The following PRSS23 variants were observed in gnomAD, a reference collection of about 807,000 sequenced individuals.
PRSS23 encodes the protein protease, serine 23.
PRSS23 carries 25 observed loss-of-function variants against 34.7 expected under a neutral mutation model. The observed-to-expected ratio is 0.72, with a 90% CI of 0.53 to 1.01. The LOEUF (loss-of-function observed/expected upper bound fraction) is 1.01. Ranked by LOEUF, PRSS23 falls within the 50% of genes least tolerant of loss-of-function variation. The pLI is 0.00. For synonymous variants in PRSS23, 176 were observed against 186.6 expected, an observed-to-expected ratio of 0.94 and a Z score of 0.46; for missense variants, 445 against 475.6, an observed-to-expected ratio of 0.94 and a Z score of 0.60.
Position 86,808,430 on chromosome 11 carries a change from A to C in PRSS23, c.787A>C (p.Ile263Leu). Residue 263 changes from isoleucine (I) to leucine (L), a missense_variant, in exon 2 of 2, where the codon ATT (isoleucine) becomes CTT (leucine). Transcript: ENST00000280258. ...GCCCCACAAGAGAAAATTTATGAAG[A>C]TTGGGGTGAGCCCTCCTGCTAAGCA... ...KKPHKRKFMK[I>L]GVSPPAKQLP... 1 of 1,614,214 alleles carries C rather than the reference A, an allele frequency of 6.2e-7. No individual in the cohort carries two copies. Among genetic ancestry groups the C allele is most frequent in the Non-Finnish European group, 8.5e-7 (1 of 1,180,044 alleles).
At chr11:86,835,215 A>C (rs1948395570) in intron 2 of PRSS23, among the ~76,000 whole-genome samples, 1 of 152,204 alleles carries the variant, frequency 6.6e-6, no homozygotes, top group African/African-American at 2.4e-5. Context: ...CTTTCACATC[A>C]TGAGATGTCC....
At chr11:86,884,610 A>C (rs549209663) in intron 2 of PRSS23, among the ~76,000 whole-genome samples, 42 of 152,292 alleles carry the variant, frequency 2.8e-4, no homozygotes, top group African/African-American at 9.6e-4. Flanking sequence ...TCTTGCACTC[A>C]TATTTGATTA....
At chr11:86,890,027 G>A (rs533003862) in intron 2 of PRSS23, among the ~76,000 whole-genome samples, 353 of 152,198 alleles carry the variant, frequency 2.3e-3, no homozygotes, top group African/African-American at 8.2e-3. Flanking sequence ...CAGCACTTTG[G>A]GAAGCCGAGG....
intron 2 of PRSS23, among the ~76,000 whole-genome samples, chr11:86,831,552 T>C (rs1284972197): frequency 2.7e-5 from 4 of 150,750 alleles, no homozygotes; most frequent in Non-Finnish European, 5.9e-5. Context: ...TTACTCTTAA[T>C]ATCACCGGGG....
At chr11:86,938,657 T>C (rs1249819284) in intron 2 of PRSS23, among the ~76,000 whole-genome samples, 3 of 139,260 alleles carry the variant, frequency 2.2e-5, no homozygotes, top group African/African-American at 5.4e-5. Context: ...GCCGATGTGA[T>C]GGATTAAGGA....
In PRSS23 at chr11:86,810,293, G is replaced by C. The variant is rs1215027092; in HGVS notation, c.*1498G>C. 1.2e-5 allele frequency: 2 copies of C among 166,438 alleles called. No homozygotes were observed. The highest frequency in any genetic ancestry group is 2.9e-5 in the Non-Finnish European group (2 of 68,114). The allele number at this position is 166,438 out of a possible 1,614,324, so 10.3% of individuals were successfully genotyped here. A position where few individuals can be genotyped will look rare whatever the true frequency, so the allele number is the denominator to read the frequency against. On this transcript the variant is annotated 3_prime_UTR_variant, in exon 2 of 2. Transcript: ENST00000280258. ...GCACCCCAGGTAAACCTGCATTGTA[G>C]CAATTTGTAAGGATATTCAGATGGA...
intron 1 of PRSS23, chr11:86,821,816 T>C: frequency 1.4e-6 from 1 of 703,456 alleles, no homozygotes; most frequent in Non-Finnish European, 2.4e-6. Context: ...GCCATGACCA[T>C]AGTGTCAGCG....
At chr11:86,820,790 A>T (rs1040866823) in intron 1 of PRSS23, among the ~76,000 whole-genome samples, 1 of 152,170 alleles carries the variant, frequency 6.6e-6, no homozygotes, top group Non-Finnish European at 1.5e-5. Context: ...GCTTGTGTGA[A>T]ACCTCAAGCT....
intron 2 of PRSS23, among the ~76,000 whole-genome samples, chr11:86,928,211 C>A (rs1211878361): frequency 7.6e-6 from 1 of 131,048 alleles, no homozygotes; most frequent in Non-Finnish European, 1.6e-5. Flanking sequence ...ATATTTTATA[C>A]TTATAAATAT....
intron 2 of PRSS23, among the ~76,000 whole-genome samples, chr11:86,873,357 A>G (rs1223040495): frequency 1.3e-5 from 2 of 151,188 alleles, no homozygotes; most frequent in Non-Finnish European, 2.9e-5. Flanking sequence ...CAGTGGTGCA[A>G]TCTCAGCTCA....
At chr11:86,926,761 A>G (rs1008163311) in intron 2 of PRSS23, among the ~76,000 whole-genome samples, 5 of 152,224 alleles carry the variant, frequency 3.3e-5, no homozygotes, top group Admixed American at 3.3e-4. Flanking sequence ...CTCATAGTTC[A>G]ACTGTTTCCC....
chr11:86,792,287 T>C (rs1947956425), intron 1 of PRSS23, among the ~76,000 whole-genome samples: 1 of 152,138 alleles, frequency 6.6e-6, no homozygotes, highest in South Asian at 2.1e-4. Flanking sequence ...CAGCTGCAAC[T>C]CTCCATGGAC....
chr11:86,890,998 G>A (rs1321108763), intron 2 of PRSS23, among the ~76,000 whole-genome samples: 2 of 152,148 alleles, frequency 1.3e-5, no homozygotes, highest in African/African-American at 4.8e-5. Context: ...CTTTTGGTTC[G>A]GTGAGATAAA....
chr11:86,932,026 C>A (rs902944366), intron 2 of PRSS23, among the ~76,000 whole-genome samples: 4 of 152,074 alleles, frequency 2.6e-5, no homozygotes, highest in African/African-American at 9.7e-5. Context: ...AAGTGAGGAC[C>A]GAGTCTAACT....
At position 86,952,292 on chromosome 11, in the gene PRSS23, T is replaced by C. The variant is rs1383366398; in HGVS notation, c.*1007T>C. Reference sequence around the variant, plus strand: ...ACCTGGCCCTTCCATGCACATGTGGTTGTGGTCGTTCTGTGGTGGGAATTT... The same window carrying C: ...ACCTGGCCCTTCCATGCACATGTGGCTGTGGTCGTTCTGTGGTGGGAATTT... On this transcript the variant is annotated 3_prime_UTR_variant, in exon 3 of 3. Transcript: ENST00000533902. The C allele has an allele frequency of 1.9e-6, 3 of 1,614,046 alleles. No individual in the cohort carries two copies. In the African/African-American group the frequency reaches 4.0e-5, roughly 22 times the overall value.
chr11:86,896,467 C>G (rs985150831), intron 2 of PRSS23: 1 of 152,164 alleles, frequency 6.6e-6, no homozygotes, highest in Admixed American at 6.6e-5. Flanking sequence ...TCACGATCCA[C>G]CAAATAGTTT....
At chr11:86,842,092 G>A (rs1436762987) in intron 2 of PRSS23, among the ~76,000 whole-genome samples, 2 of 152,172 alleles carry the variant, frequency 1.3e-5, no homozygotes, top group African/African-American at 2.4e-5. Context: ...CCACTATCAA[G>A]TCAGCTTCAC....
chr11:86,898,243 A>G lies in PRSS23; in HGVS notation c.207-52973A>G, dbSNP rs138268303. On this transcript the variant is annotated intron_variant, in intron 2 of 2. Coordinates refer to the PRSS23 transcript ENST00000533902. ...GAGGAGGAGAAGGGTTTTCACCTCTATTTCCATGGATTTTAGAAACAATCA... is the reference window on the plus strand; with the variant it reads ...GAGGAGGAGAAGGGTTTTCACCTCTGTTTCCATGGATTTTAGAAACAATCA... Among the ~76,000 whole-genome samples, 311 of 152,304 alleles carry G rather than the reference A, an allele frequency of 2.0e-3. 2 individuals carry two copies. The highest frequency in any genetic ancestry group is 6.6e-3 in the African/African-American group (274 of 41,568).
chr11:86,887,193 C>G (rs1448730801), intron 2 of PRSS23, among the ~76,000 whole-genome samples: 1 of 152,074 alleles, frequency 6.6e-6, no homozygotes, highest in Non-Finnish European at 1.5e-5. Flanking sequence ...TTACACAATC[C>G]TGGCTTCTTT....
Sources: gnomAD v4.1 joint callset for allele counts (sites outside exome capture counted in the v4.1 genomes callset) on GRCh38, gnomAD v4.1.1 for gene constraint, MANE v1.5 for transcripts, NCBI Gene and HGNC (gene_info 2026-07-23, HGNC 2026-07-21) for gene names.